The following MIR2052HG variants were observed in gnomAD, a reference collection of about 807,000 sequenced individuals.
MIR2052HG encodes the protein MIR2052 host gene.
chr8:74,603,208 C>T (rs1252483221), intron 1 of MIR2052HG: 1 of 1,078,394 alleles, frequency 9.3e-7, no homozygotes, highest in Middle Eastern at 2.9e-4. Context: ...CCTGAAATCG[C>T]TGACTGTTCA....
At chr8:74,713,952 G>T (rs1350722192) in intron 4 of MIR2052HG, among the ~76,000 whole-genome samples, 1 of 152,070 alleles carries the variant, frequency 6.6e-6, no homozygotes, top group African/African-American at 2.4e-5. Flanking sequence ...TGGGAGAAAA[G>T]ATGGGGGGAA....
At chr8:74,676,602 T>C (rs1809055659) in intron 2 of MIR2052HG, among the ~76,000 whole-genome samples, 1 of 151,222 alleles carries the variant, frequency 6.6e-6, no homozygotes, top group African/African-American at 2.4e-5. Flanking sequence ...GTGTACAAAG[T>C]AAGAGGGTGA....
At chr8:74,638,489 A>G (rs1808606238) in intron 2 of MIR2052HG, among the ~76,000 whole-genome samples, 1 of 152,198 alleles carries the variant, frequency 6.6e-6, no homozygotes, top group South Asian at 2.1e-4. Flanking sequence ...GTGAGAGATC[A>G]GCTCTTGCAA....
intron 1 of MIR2052HG, chr8:74,610,183 T>C (rs1333401016): frequency 6.6e-6 from 1 of 151,930 alleles, no homozygotes; most frequent in Non-Finnish European, 1.5e-5. Flanking sequence ...TTAACAAGGT[T>C]GCAGGATGCA....
At chr8:74,601,194 A>T (rs537420671) in intron 1 of MIR2052HG, among the ~76,000 whole-genome samples, 2 of 152,356 alleles carry the variant, frequency 1.3e-5, no homozygotes, top group South Asian at 4.1e-4. Flanking sequence ...TGCAGAGGCC[A>T]AACCTCTTAT....
chr8:74,614,726 C>A (rs1808253611), intron 2 of MIR2052HG, among the ~76,000 whole-genome samples: 1 of 151,406 alleles, frequency 6.6e-6, no homozygotes, highest in African/African-American at 2.4e-5. Context: ...ATATATGCTA[C>A]TTCTTTTAAT....
intron 2 of MIR2052HG, among the ~76,000 whole-genome samples, chr8:74,630,086 A>G (rs764177565): frequency 2.5e-4 from 38 of 152,340 alleles, no homozygotes; most frequent in Admixed American, 1.6e-3. Context: ...AATTTATGTC[A>G]TAGTGGAAGT....
In MIR2052HG at chr8:74,610,155, C is replaced by G. The variant is rs563959408; in HGVS notation, n.129-2698C>G. 58 of 151,586 alleles carry G rather than the reference C, an allele frequency of 3.8e-4. 3 individuals are homozygous for G. In the South Asian group the frequency reaches 0.012, roughly 31 times the overall value. 9.4% of individuals were successfully genotyped at this position (151,586 alleles called of 1,614,324 possible). A position where few individuals can be genotyped will look rare whatever the true frequency, so the allele number is the denominator to read the frequency against. On this transcript the variant is annotated intron_variant and non_coding_transcript_variant, in intron 1 of 6. Coordinates refer to ENST00000523442, the Ensembl canonical transcript of MIR2052HG. Reference sequence around the variant, plus strand: ...AATTCTATGGAATCTTCAAAAGATACTAGAATAATGTGTGAATTTAACAAG... The same window carrying G: ...AATTCTATGGAATCTTCAAAAGATAGTAGAATAATGTGTGAATTTAACAAG...
At chr8:74,697,682 G>A (rs1177557349) in intron 2 of MIR2052HG, among the ~76,000 whole-genome samples, 1 of 152,050 alleles carries the variant, frequency 6.6e-6, no homozygotes, top group East Asian at 1.9e-4. Flanking sequence ...TACACCAACA[G>A]CGACCAAGCT....
At position 74,647,711 on chromosome 8, in the gene MIR2052HG, C is replaced by T. The variant is rs928920551; in HGVS notation, n.216+34771C>T. Among the ~76,000 whole-genome samples, 3 of 152,092 alleles carry T rather than the reference C, an allele frequency of 2.0e-5. No individual in the cohort carries two copies. In the East Asian group the frequency reaches 5.8e-4, roughly 29 times the overall value. Reference sequence around the variant, plus strand: ...AGTCAGGGACCCAGAATGGAGGGACCGGCTGAAGCTGTGGCAGAAGAACAT... The same window carrying T: ...AGTCAGGGACCCAGAATGGAGGGACTGGCTGAAGCTGTGGCAGAAGAACAT... On this transcript the variant is annotated intron_variant and non_coding_transcript_variant, in intron 2 of 6. Coordinates refer to ENST00000523442, the Ensembl canonical transcript of MIR2052HG.
intron 4 of MIR2052HG, among the ~76,000 whole-genome samples, chr8:74,721,221 T>C (rs1464637181): frequency 2.6e-5 from 4 of 152,146 alleles, no homozygotes; most frequent in African/African-American, 9.7e-5. Context: ...AAGGGAAAGG[T>C]AGCCCCAGAA....
chr8:74,602,572 C>T (rs192480541), intron 1 of MIR2052HG, among the ~76,000 whole-genome samples: 14 of 150,168 alleles, frequency 9.3e-5, no homozygotes, highest in African/African-American at 2.2e-4. Flanking sequence ...AGTGCAGTGG[C>T]GCGATCTCGG....
At chr8:74,692,713 G>C (rs181064257) in intron 2 of MIR2052HG, among the ~76,000 whole-genome samples, 6 of 152,206 alleles carry the variant, frequency 3.9e-5, no homozygotes, top group African/African-American at 1.2e-4. Flanking sequence ...TCTACCCTTT[G>C]ATGTTGTTTT....
intron 4 of MIR2052HG, among the ~76,000 whole-genome samples, chr8:74,730,495 AAT>A (rs1400213401): frequency 6.6e-6 from 1 of 152,194 alleles, no homozygotes; most frequent in African/African-American, 2.4e-5. Context: ...ATGAATTTCG[AAT>A]AGTCATATGA....
At chr8:74,757,220 T>C (rs955410079) in intron 5 of MIR2052HG, 1 of 152,156 alleles carries the variant, frequency 6.6e-6, no homozygotes, top group Non-Finnish European at 1.5e-5. Context: ...CTCACAATCA[T>C]GAGGCTTGGA....
At chr8:74,726,205 G>A (rs972682005) in intron 4 of MIR2052HG, among the ~76,000 whole-genome samples, 2 of 152,122 alleles carry the variant, frequency 1.3e-5, no homozygotes, top group South Asian at 2.1e-4. Flanking sequence ...AAGAAAAAAA[G>A]AATTAATCTT....
At chr8:74,612,290 G>T (rs1808209240) in intron 1 of MIR2052HG, among the ~76,000 whole-genome samples, 1 of 152,140 alleles carries the variant, frequency 6.6e-6, no homozygotes, top group African/African-American at 2.4e-5. Context: ...CTTCCATTCA[G>T]AGTTGGTCCA....
chr8:74,632,981 T>A (rs540864545), intron 2 of MIR2052HG, among the ~76,000 whole-genome samples: 6 of 152,122 alleles, frequency 3.9e-5, no homozygotes, highest in Non-Finnish European at 8.8e-5. Context: ...ATAATTCCTC[T>A]CCCATGACTA....
exon 4 of MIR2052HG, chr8:74,703,635 G>A (rs1367838436): frequency 2.2e-6 from 1 of 452,880 alleles, no homozygotes; most frequent in East Asian, 7.0e-5. Flanking sequence ...TGGGAAAACA[G>A]GAAAATTAGG....
Sources: allele counts gnomAD v4.1 joint callset (sites outside exome capture counted in the v4.1 genomes callset), GRCh38; gene constraint gnomAD v4.1.1; transcripts MANE v1.5; gene names NCBI Gene and HGNC (gene_info 2026-07-23, HGNC 2026-07-21).